The following DST variants were observed in gnomAD, a reference collection of about 807,000 sequenced individuals.
DST encodes the protein dystonin, also known as bullous pemphigoid antigen.
Under a neutral mutation model 875.2 loss-of-function variants are expected in DST, and 253 were observed. The observed-to-expected ratio is 0.29, with a 90% CI of 0.26 to 0.32. DST has a LOEUF of 0.32. Ranked by LOEUF, DST falls within the 10% of genes least tolerant of loss-of-function variation. The pLI, the probability that DST is intolerant of heterozygous loss-of-function variation, is 1.00. For synonymous variants in DST, 3,124 were observed against 3,197.1 expected (o/e 0.98, Z 0.77); for missense variants, 8,287 against 9,111.6 (o/e 0.91, Z 3.68).
In DST at chr6:56,594,134, T is replaced by A; in HGVS notation, c.12255A>T (p.Ala4085=). Residue 4085 remains alanine (A), a synonymous_variant, in exon 48 of 104, where the codon GCA becomes GCT. Coordinates refer to ENST00000680361, the MANE Select transcript of DST (RefSeq NM_001374736.1). ...GACCCTGTTTCTCAAGCAACACTTG[T>A]GCAGACTGAGTGGCTATGATCACTG... is the stretch of plus-strand genomic sequence containing the variant. ...HQAVIIATQS[A]QVLLEKQGQY... The A allele has an allele frequency of 6.3e-7, 1 of 1,593,652 alleles. No individual in the cohort carries two copies. Among genetic ancestry groups the A allele is most frequent in the South Asian group, 1.2e-5 (1 of 86,502 alleles).
At chr6:56,721,911 A>C (rs146513152) in intron 5 of DST, among the ~76,000 whole-genome samples, 165 of 152,336 alleles carry the variant, frequency 1.1e-3, no homozygotes, top group Non-Finnish European at 2.0e-3. Context: ...TTTTCAATAC[A>C]GGGCCAGAAA....
intron 86 of DST, among the ~76,000 whole-genome samples, chr6:56,489,165 C>G (rs552952301): frequency 6.6e-6 from 1 of 152,272 alleles, no homozygotes; most frequent in East Asian, 1.9e-4. Flanking sequence ...CAGGAAAAGA[C>G]AGCTATCATG....
At chr6:56,718,702 T>G (rs2099403718) in intron 5 of DST, among the ~76,000 whole-genome samples, 3 of 152,236 alleles carry the variant, frequency 2.0e-5, no homozygotes, top group Admixed American at 6.5e-5. Flanking sequence ...GTGATCTATC[T>G]ATAGAATGGA....
intron 72 of DST, among the ~76,000 whole-genome samples, chr6:56,511,975 G>C (rs1200869021): frequency 6.6e-6 from 1 of 152,068 alleles, no homozygotes; most frequent in African/African-American, 2.4e-5. Flanking sequence ...AAGCCCACAA[G>C]GCATTGCATT....
intron 88 of DST, chr6:56,483,703 A>AGT (rs2095475797): frequency 1.3e-5 from 2 of 151,558 alleles, no homozygotes; most frequent in Non-Finnish European, 2.9e-5. Flanking sequence ...TTAATAACCA[A>AGT]CATTCTGTCA....
At chr6:56,477,269 T>C (rs957878353) in intron 91 of DST, 76 bp downstream of exon 91, 2 of 1,494,288 alleles carry the variant, frequency 1.3e-6, no homozygotes, top group East Asian at 4.7e-5. Context: ...TAAGTGCATC[T>C]TAATTCCTGA....
chr6:56,505,793 A>G lies in DST; in HGVS notation c.19464+650T>C, dbSNP rs369974874. ...AAGGTTAAGGGAGGTAGGGAGAGAA[A>G]TATACCCGAGTTGGCCTCAACTGAC... On this transcript the variant is annotated intron_variant, in intron 77 of 103. Coordinates refer to ENST00000680361, the MANE Select transcript of DST (RefSeq NM_001374736.1). Among the ~76,000 whole-genome samples the G allele has an allele frequency of 9.1e-4, 139 of 152,252 alleles. 2 individuals carry two copies. Among genetic ancestry groups the G allele is most frequent in the African/African-American group, 3.2e-3 (133 of 41,568 alleles).
chr6:56,607,650 T>C lies in DST; in HGVS notation c.6978A>G (p.Ile2326Met), dbSNP rs1159767999. The C allele has an allele frequency of 6.2e-7, 1 of 1,613,374 alleles. No homozygotes were observed. The highest frequency in any genetic ancestry group is 2.2e-5 in the East Asian group (1 of 44,870). The change falls in exon 40 of 104, where the codon ATA becomes ATG. Residue 2326 changes from isoleucine to methionine, a missense_variant. Physicochemically the swap from Ile to Met is conservative, Grantham distance 10. Transcript: ENST00000680361. ...AACTGTTAACTTTAGGATCAATTGA[T>C]ATTGTACTTGCCAGTTTTCCTGACT... The part of the protein sequence containing the change: ...FSQSGKLAST[I>M]SIDPKVNSSP...
intron 90 of DST, among the ~76,000 whole-genome samples, chr6:56,478,085 A>G (rs186940698): frequency 7.2e-5 from 11 of 152,316 alleles, no homozygotes; most frequent in Admixed American, 3.3e-4. Flanking sequence ...AAATTTAGAT[A>G]TAATTATGTT....
At chr6:56,910,702 C>T (rs2127716588) in intron 2 of DST, among the ~76,000 whole-genome samples, 1 of 151,904 alleles carries the variant, frequency 6.6e-6, no homozygotes, top group Non-Finnish European at 1.5e-5. Flanking sequence ...CCAGGCTAGT[C>T]TCGAACTCCT....
chr6:56,615,070 AC>A, intron 36 of DST: 1 of 1,019,682 alleles, frequency 9.8e-7, no homozygotes. Context: ...AATCTAAAAC[AC>A]TGCAGCTTGA....
At chr6:56,729,264 C>T (rs1272187055) in intron 5 of DST, among the ~76,000 whole-genome samples, 1 of 152,196 alleles carries the variant, frequency 6.6e-6, no homozygotes, top group Non-Finnish European at 1.5e-5. Context: ...CAGTATTTTT[C>T]ATTAGCCCTT....
chr6:56,476,270 T>C lies in DST; in HGVS notation c.21743A>G (p.Gln7248Arg). Residue 7248 changes from glutamine to arginine, a missense_variant, in exon 92 of 104, where the codon CAG becomes CGG. Physicochemically the swap from Gln to Arg is conservative, Grantham distance 43 (BLOSUM62 1). Coordinates refer to ENST00000680361, the MANE Select transcript of DST (RefSeq NM_001374736.1). ...ASALAGLIAK[Q>R]ELLEALLAWL... ...AGCCAGCAAAGCTTCCAACAATTCC[T>C]GTTTGGCAATAAGCCCAGCCAGAGC... 6.2e-7 allele frequency: 1 copy of C among 1,609,660 alleles called. No individual in the cohort carries two copies. The highest frequency in any genetic ancestry group is 8.5e-7 in the Non-Finnish European group (1 of 1,177,678).
chr6:56,900,479 C>T lies in DST; in HGVS notation c.359G>A (p.Ser120Asn). 1 of 1,367,730 alleles carries T rather than the reference C, an allele frequency of 7.3e-7. No homozygotes were observed. Among genetic ancestry groups the T allele is most frequent in the South Asian group, 1.1e-5 (1 of 88,046 alleles). The allele number at this position is 1,367,730 out of a possible 1,614,324, so 84.7% of individuals were successfully genotyped here. A position where few individuals can be genotyped will look rare whatever the true frequency, so the allele number is the denominator to read the frequency against. Reference sequence around the variant, plus strand: ...ATAAAATTCTGGCTGGACTCGGCTGCTCTTCTTGATTCTTCGTTTCCTCAC... The same window carrying T: ...ATAAAATTCTGGCTGGACTCGGCTGTTCTTCTTGATTCTTCGTTTCCTCAC... ...TSVRKRRIKK[S>N]SRVQPEFYHS... Residue 120 changes from serine (S) to asparagine (N), a missense_variant, in exon 3 of 104, where the codon AGC (serine) becomes AAC (asparagine). This residue lies in a region of DST where 1,160 missense variants were observed against 1,424.3 expected (regional missense o/e 0.81). Coordinates refer to ENST00000680361, the MANE Select transcript of DST (RefSeq NM_001374736.1).
intron 4 of DST, among the ~76,000 whole-genome samples, chr6:56,770,007 G>C (rs1208427798): frequency 1.3e-5 from 2 of 152,096 alleles, no homozygotes; most frequent in Non-Finnish European, 2.9e-5. Flanking sequence ...CAAAATTTTG[G>C]CTAAAGAGTT....
intron 5 of DST, among the ~76,000 whole-genome samples, chr6:56,704,625 G>A (rs1312102276): frequency 6.6e-6 from 1 of 152,116 alleles, no homozygotes; most frequent in African/African-American, 2.4e-5. Flanking sequence ...ACATAAGCCT[G>A]GACTACTACA....
At chr6:56,754,496 A>C (rs1302679115) in intron 4 of DST, among the ~76,000 whole-genome samples, 5 of 152,214 alleles carry the variant, frequency 3.3e-5, no homozygotes, top group African/African-American at 1.2e-4. Flanking sequence ...TTCTAAATAC[A>C]GACCATTCTC....
intron 103 of DST, among the ~76,000 whole-genome samples, chr6:56,459,604 C>T (rs116472430): frequency 3.2e-4 from 48 of 152,284 alleles, no homozygotes; most frequent in Non-Finnish European, 5.0e-4. Flanking sequence ...TCCAGGGATG[C>T]GTGTGATGCA....
chr6:56,856,094 C>T (rs534469973), intron 3 of DST, among the ~76,000 whole-genome samples: 1 of 152,340 alleles, frequency 6.6e-6, no homozygotes, highest in East Asian at 1.9e-4. Context: ...AAATGACTTT[C>T]CTGATAGCCC....
Sources: allele counts gnomAD v4.1 joint callset (sites outside exome capture counted in the v4.1 genomes callset), GRCh38; gene constraint gnomAD v4.1.1; regional missense constraint gnomAD v4.1.1; transcripts MANE v1.5; gene names NCBI Gene and HGNC (gene_info 2026-07-23, HGNC 2026-07-21).